The following ADA variants were observed in gnomAD, a reference collection of about 807,000 sequenced individuals.
ADA encodes adenosine deaminase, also known as adenosine aminohydrolase.
ADA carries 45 observed loss-of-function variants against 49.0 expected under a neutral mutation model. The observed-to-expected ratio is 0.92, with a 90% confidence interval of 0.72 to 1.18. The LOEUF is 1.18. ADA is among the 50% of genes most tolerant of loss of function. The pLI is 0.00. For synonymous variants in ADA, 173 were observed against 184.2 expected (o/e 0.94, Z 0.49); for missense variants, 445 against 472.5 (o/e 0.94, Z 0.54).
chr20:44,622,601 G>A lies in ADA; in HGVS notation c.832C>T (p.His278Tyr), dbSNP rs1568843302. Residue 278 changes from histidine to tyrosine, a missense_variant, in exon 9 of 12, where the codon CAT (histidine) becomes TAT (tyrosine). Physicochemically the swap from His to Tyr is moderately conservative, Grantham distance 83 (BLOSUM62 2). Transcript: ENST00000372874. ...AACAGAGCTCACCGAATGACTGCAT[G>A]CTCCGTGTCCGGCTTCCAGGCACCA... ...LTGAWKPDTE[H>Y]AVIRLKNDQA... is the part of the protein sequence containing the mutation. The A allele has an allele frequency of 6.2e-7, 1 of 1,614,244 alleles. No homozygotes were observed. Among genetic ancestry groups the A allele is most frequent in the Non-Finnish European group, 8.5e-7 (1 of 1,180,036 alleles).
chr20:44,641,772 G>GTTGT (rs1555847198), intron 1 of ADA, among the ~76,000 whole-genome samples: 3 of 143,392 alleles, frequency 2.1e-5, no homozygotes, highest in African/African-American at 7.6e-5. Flanking sequence ...TGTTGTTGTT[G>GTTGT]TTTTTTTTTT....
intron 1 of ADA, among the ~76,000 whole-genome samples, chr20:44,648,618 C>G (rs1437914848): frequency 6.6e-6 from 1 of 152,042 alleles, no homozygotes; most frequent in African/African-American, 2.4e-5. Context: ...ACTCTCTTCC[C>G]TGTGTCTAAG....
intron 2 of ADA, among the ~76,000 whole-genome samples, chr20:44,635,901 A>AG (rs1336108566): frequency 1.3e-5 from 2 of 149,162 alleles, no homozygotes; most frequent in East Asian, 2.1e-4. Flanking sequence ...CTATCTCAAA[A>AG]GAAAAAAAAA....
intron 1 of ADA, among the ~76,000 whole-genome samples, chr20:44,641,459 A>G (rs55800632): frequency 0.082 from 12,474 of 152,238 alleles, 666 homozygotes; most frequent in East Asian, 0.16. Flanking sequence ...GCAGCCTTGG[A>G]GGGGGCAGGA....
In ADA at chr20:44,619,809, G is replaced by A; in HGVS notation, c.*25C>T. Reference sequence around the variant, plus strand: ...CACAGAGTTGGGGTGACTCCACAGGGTGAAGGCTTGGAGGAGTGGCGTCTT... The same window carrying A: ...CACAGAGTTGGGGTGACTCCACAGGATGAAGGCTTGGAGGAGTGGCGTCTT... On this transcript the variant is annotated 3_prime_UTR_variant, in exon 12 of 12. Coordinates refer to ENST00000372874, the MANE Select transcript of ADA (RefSeq NM_000022.4). 6.2e-7 allele frequency: 1 copy of A among 1,614,178 alleles called. No homozygotes were observed. Among genetic ancestry groups the A allele is most frequent in the Non-Finnish European group, 8.5e-7 (1 of 1,180,016 alleles).
At chr20:44,649,753 T>TTG (rs2065625326) in intron 1 of ADA, among the ~76,000 whole-genome samples, 1 of 117,532 alleles carries the variant, frequency 8.5e-6, no homozygotes, top group Non-Finnish European at 1.9e-5. Flanking sequence ...TTTTTTTTTT[T>TTG]GAGACAGCGT....
At chr20:44,651,452 G>T (rs150983607) in intron 1 of ADA, 123 bp downstream of exon 1, 10 of 991,618 alleles carry the variant, frequency 1.0e-5, no homozygotes, top group South Asian at 1.5e-5. Context: ...GCCGAAGGAA[G>T]AACTCGCCTG....
chr20:44,632,018 T>G (rs395209), intron 2 of ADA, among the ~76,000 whole-genome samples: 1 of 152,176 alleles, frequency 6.6e-6, no homozygotes, highest in Admixed American at 6.5e-5. Flanking sequence ...GCCCGTCCCC[T>G]AGAACAAATT....
At position 44,629,076 on chromosome 20, in the gene ADA, G is replaced by A; in HGVS notation, c.189C>T (p.Ala63=). 6.2e-7 allele frequency: 1 copy of A among 1,614,218 alleles called. No individual in the cohort carries two copies. The highest frequency in any genetic ancestry group is 8.5e-7 in the Non-Finnish European group (1 of 1,180,046). ...TAGCAGGCATGTAGTAGTCAAACTT[G>A]GCCAGGAAGTCTGGAAGGGTGAGCG... ...DKPLTLPDFL[A]KFDYYMPAIA... Residue 63 remains alanine (A), a synonymous_variant, in exon 3 of 12, where the codon GCC becomes GCT. Transcript: ENST00000372874.
At position 44,634,909 on chromosome 20, in the gene ADA, G is replaced by C. The variant is rs1193606335; in HGVS notation, c.95+1318C>G. ...AGCTGAATTTCAAGACTGTGACAGA[G>C]AGGCTGAGTTCTTTCAGCTCCAAAC... is the stretch of plus-strand genomic sequence containing the variant. On this transcript the variant is annotated intron_variant, in intron 2 of 11. Coordinates refer to ENST00000372874, the MANE Select transcript of ADA (RefSeq NM_000022.4). Among the ~76,000 whole-genome samples, 2 of 152,264 alleles carry C rather than the reference G, an allele frequency of 1.3e-5. 1 individual carries two copies. Among genetic ancestry groups the C allele is most frequent in the Non-Finnish European group, 2.9e-5 (2 of 68,044 alleles).
chr20:44,634,450 G>A (rs778211179), intron 2 of ADA, among the ~76,000 whole-genome samples: 1 of 152,206 alleles, frequency 6.6e-6, no homozygotes, highest in African/African-American at 2.4e-5. Flanking sequence ...CATGGACTCG[G>A]GGGCAGACTA....
At chr20:44,638,612 G>A (rs550547078) in intron 1 of ADA, among the ~76,000 whole-genome samples, 13 of 152,192 alleles carry the variant, frequency 8.5e-5, no homozygotes, top group South Asian at 2.1e-4. Context: ...AAAAGTCAAC[G>A]AAGGCCTGCG....
intron 10 of ADA, 24 bp from the exon 11 acceptor site, chr20:44,620,425 A>G (rs1208043263): frequency 6.3e-7 from 1 of 1,592,908 alleles, no homozygotes; most frequent in Non-Finnish European, 8.6e-7. Context: ...AATGGCAGAC[A>G]ACATGGAACC....
chr20:44,631,411 C>A (rs182737267), intron 2 of ADA, among the ~76,000 whole-genome samples: 1 of 152,296 alleles, frequency 6.6e-6, no homozygotes, highest in African/African-American at 2.4e-5. Flanking sequence ...CACTGCTGGC[C>A]AGCTGCCCCA....
intron 5 of ADA, 23 bp from the exon 6 acceptor site, chr20:44,624,352 G>T (rs758919313): frequency 1.2e-6 from 2 of 1,612,278 alleles, no homozygotes; most frequent in South Asian, 1.1e-5. Context: ...TGCCCACCCA[G>T]GCTCTGTCAC....
chr20:44,649,241 T>A (rs2065620028), intron 1 of ADA, among the ~76,000 whole-genome samples: 1 of 152,072 alleles, frequency 6.6e-6, no homozygotes, highest in Non-Finnish European at 1.5e-5. Context: ...CTCCATTAGC[T>A]GCAGCTAGTA....
chr20:44,637,980 A>G (rs1375807210), intron 1 of ADA, among the ~76,000 whole-genome samples: 1 of 152,218 alleles, frequency 6.6e-6, no homozygotes, highest in Non-Finnish European at 1.5e-5. Context: ...ACCTCAGGCA[A>G]GGGACCTCAA....
intron 1 of ADA, among the ~76,000 whole-genome samples, chr20:44,650,322 T>G (rs1401643483): frequency 6.6e-6 from 1 of 152,196 alleles, no homozygotes; most frequent in Non-Finnish European, 1.5e-5. Context: ...GTAGGTGGGC[T>G]CTCCACAGCC....
intron 8 of ADA, 51 bp from the exon 9 acceptor site, chr20:44,622,703 T>A: frequency 1.2e-6 from 2 of 1,613,240 alleles, no homozygotes; most frequent in Non-Finnish European, 1.7e-6. Flanking sequence ...CCATGCTGAT[T>A]CCTCCCCCCA....
Sources: allele counts gnomAD v4.1 joint callset (sites outside exome capture counted in the v4.1 genomes callset), GRCh38; gene constraint gnomAD v4.1.1; transcripts MANE v1.5; gene names NCBI Gene and HGNC (gene_info 2026-07-23, HGNC 2026-07-21).